The following SKAP1 variants were observed in gnomAD, a reference collection of about 807,000 sequenced individuals.
SKAP1 encodes the protein src kinase-associated phosphoprotein 1.
Under a neutral mutation model 58.5 loss-of-function variants are expected in SKAP1, and 44 were observed. The observed-to-expected ratio is 0.75, with a 90% CI of 0.59 to 0.97. The LOEUF (loss-of-function observed/expected upper bound fraction) is 0.97, where lower values mean the gene tolerates loss of function less well. Among genes scored for constraint, SKAP1 ranks in the 50% least tolerant of loss-of-function variants. SKAP1 has a pLI of 0.00. For synonymous variants in SKAP1, 127 were observed against 149.7 expected, an observed-to-expected ratio of 0.85 and a Z score of 1.11; for missense variants, 390 against 435.2, an observed-to-expected ratio of 0.90 and a Z score of 0.92.
intron 2 of SKAP1, among the ~76,000 whole-genome samples, chr17:48,365,688 C>A (rs1178043290): frequency 6.6e-6 from 1 of 152,076 alleles, no homozygotes; most frequent in Non-Finnish European, 1.5e-5. Flanking sequence ...TTAACTCTTG[C>A]TATAGACATA....
intron 4 of SKAP1, chr17:48,193,685 G>C: frequency 1.0e-6 from 1 of 984,858 alleles, no homozygotes; most frequent in Non-Finnish European, 1.2e-6. Context: ...GGGTCCTACT[G>C]ATCAAGAACT....
chr17:48,234,470 A>T (rs1184423776), intron 4 of SKAP1, among the ~76,000 whole-genome samples: 1 of 152,238 alleles, frequency 6.6e-6, no homozygotes, highest in Non-Finnish European at 1.5e-5. Context: ...AGACATGGAC[A>T]CCTGTGAAGA....
At chr17:48,331,526 C>A (rs1371187083) in intron 4 of SKAP1, among the ~76,000 whole-genome samples, 1 of 151,828 alleles carries the variant, frequency 6.6e-6, no homozygotes, top group African/African-American at 2.4e-5. Context: ...ATGGAGATAT[C>A]CCGTCTCTAC....
chr17:48,184,374 T>G (rs16953461), intron 7 of SKAP1, among the ~76,000 whole-genome samples: 21,208 of 151,944 alleles, frequency 0.14, 2,043 homozygotes, highest in Non-Finnish European at 0.2. Context: ...AGAAAATCAG[T>G]CGAAGAATAA....
intron 3 of SKAP1, among the ~76,000 whole-genome samples, chr17:48,359,595 T>C (rs1250037684): frequency 1.3e-5 from 2 of 152,112 alleles, no homozygotes; most frequent in African/African-American, 4.8e-5. Flanking sequence ...GGCTATATTT[T>C]TATTTGTTTA....
At chr17:48,232,332 G>C (rs1159966839) in intron 4 of SKAP1, among the ~76,000 whole-genome samples, 1 of 152,182 alleles carries the variant, frequency 6.6e-6, no homozygotes, top group Non-Finnish European at 1.5e-5. Context: ...CTTTGTAACT[G>C]CTGATTGATT....
At chr17:48,258,615 G>C (rs1387225741) in intron 4 of SKAP1, among the ~76,000 whole-genome samples, 1 of 152,078 alleles carries the variant, frequency 6.6e-6, no homozygotes, top group Non-Finnish European at 1.5e-5. Context: ...AGGGTGTGTA[G>C]CATACAAATG....
At chr17:48,395,013 A>G (rs573352953) in intron 2 of SKAP1, among the ~76,000 whole-genome samples, 1 of 152,310 alleles carries the variant, frequency 6.6e-6, no homozygotes, top group South Asian at 2.1e-4. Flanking sequence ...AACAATGCAG[A>G]TATTTCCTAA....
chr17:48,405,505 C>CT lies in SKAP1; in HGVS notation c.47-8721dup, dbSNP rs548488852. Among the ~76,000 whole-genome samples, 97 of 90,862 alleles carry CT rather than the reference C, an allele frequency of 1.1e-3. 2 individuals carry two copies. Among genetic ancestry groups the CT allele is most frequent in the Admixed American group, 2.0e-3 (17 of 8,488 alleles). The allele number at this position is 90,862 out of a possible 152,430, so 59.6% of individuals were successfully genotyped here. A position where few individuals can be genotyped will look rare whatever the true frequency, so the allele number is the denominator to read the frequency against. The stretch of plus-strand genomic sequence containing the variant: ...TTCTTTTCTTTTCTTTCCTTTCTTT[C>CT]TTTTTTTTTTTTTTGAGACAGAGTT... On this transcript the variant is annotated intron_variant, in intron 1 of 12. Coordinates refer to ENST00000336915, the MANE Select transcript of SKAP1 (RefSeq NM_003726.4).
chr17:48,411,170 C>T (rs1043660084), intron 1 of SKAP1, among the ~76,000 whole-genome samples: 7 of 151,708 alleles, frequency 4.6e-5, no homozygotes, highest in Admixed American at 2.6e-4. Context: ...GAAGCTGAGA[C>T]GGGCAGATCA....
chr17:48,172,504 C>T (rs1028864562), intron 9 of SKAP1, among the ~76,000 whole-genome samples: 2 of 152,108 alleles, frequency 1.3e-5, no homozygotes, highest in Non-Finnish European at 2.9e-5. Context: ...AAGAAAAATA[C>T]ACTCGTTATT....
chr17:48,390,774 C>G (rs1417213066), intron 2 of SKAP1, among the ~76,000 whole-genome samples: 6 of 152,110 alleles, frequency 3.9e-5, no homozygotes, highest in Non-Finnish European at 5.9e-5. Context: ...GATCTAAAAA[C>G]TCTCTTAAAA....
intron 4 of SKAP1, among the ~76,000 whole-genome samples, chr17:48,310,822 A>G (rs2066212948): frequency 6.6e-6 from 1 of 152,164 alleles, no homozygotes; most frequent in Non-Finnish European, 1.5e-5. Context: ...TGGAAACAAG[A>G]GAGTTGATTG....
At chr17:48,387,644 C>T (rs929166681) in intron 2 of SKAP1, among the ~76,000 whole-genome samples, 7 of 152,122 alleles carry the variant, frequency 4.6e-5, no homozygotes, top group Non-Finnish European at 8.8e-5. Context: ...GATTTTGTGC[C>T]ACTTTCAATT....
chr17:48,415,838 C>T (rs2067726019), intron 1 of SKAP1, among the ~76,000 whole-genome samples: 1 of 152,072 alleles, frequency 6.6e-6, no homozygotes, highest in African/African-American at 2.4e-5. Context: ...GTACCAGCAT[C>T]AGAGAGCTTG....
intron 4 of SKAP1, among the ~76,000 whole-genome samples, chr17:48,200,933 T>C (rs1384949451): frequency 1.3e-5 from 2 of 152,218 alleles, no homozygotes; most frequent in Non-Finnish European, 2.9e-5. Context: ...TAAACTGAAC[T>C]GAAACCACTT....
chr17:48,357,639 G>GA (rs1177459062), intron 3 of SKAP1, among the ~76,000 whole-genome samples: 1 of 150,096 alleles, frequency 6.7e-6, no homozygotes, highest in Non-Finnish European at 1.5e-5. Flanking sequence ...CAGAAAAAAA[G>GA]AAAAAAGAAG....
intron 4 of SKAP1, among the ~76,000 whole-genome samples, chr17:48,287,720 CAGACTCT>C (rs1158566087): frequency 6.6e-6 from 1 of 152,148 alleles, no homozygotes; most frequent in African/African-American, 2.4e-5. Context: ...AAATGCTGCT[CAGACTCT>C]AGAGTTCATT....
intron 10 of SKAP1, among the ~76,000 whole-genome samples, chr17:48,169,886 T>A (rs977834442): frequency 2.0e-5 from 3 of 152,300 alleles, no homozygotes; most frequent in African/African-American, 7.2e-5. Flanking sequence ...CAGTCATGAT[T>A]AGGGCTCTGC....
Sources: allele counts gnomAD v4.1 joint callset (sites outside exome capture counted in the v4.1 genomes callset), GRCh38; gene constraint gnomAD v4.1.1; transcripts MANE v1.5; gene names NCBI Gene and HGNC (gene_info 2026-07-23, HGNC 2026-07-21).